STMN2: variants seen among roughly 807,000 people sequenced by gnomAD.
The protein encoded by STMN2 is stathmin-2.
Under a neutral mutation model 24.1 loss-of-function variants are expected in STMN2, and 2 were observed. That is an observed-to-expected ratio of 0.08 (90% CI 0.03 to 0.26). The LOEUF (loss-of-function observed/expected upper bound fraction) is 0.26, where lower values mean the gene tolerates loss of function less well. Ranked by LOEUF, STMN2 falls within the 10% of genes least tolerant of loss-of-function variation. STMN2 has a pLI of 1.00. For missense variants in STMN2, 114 were observed against 213.6 expected (o/e 0.53, Z 2.91); for synonymous variants, 83 against 77.5 (o/e 1.07, Z -0.37).
chr8:79,639,370 G>T (rs1810041046), intron 2 of STMN2, among the ~76,000 whole-genome samples: 1 of 152,150 alleles, frequency 6.6e-6, no homozygotes, highest in Non-Finnish European at 1.5e-5. Flanking sequence ...CACAGAGAAT[G>T]GCCTAATCAT....
intron 4 of STMN2, among the ~76,000 whole-genome samples, chr8:79,663,230 T>C (rs953021736): frequency 2.0e-5 from 3 of 152,170 alleles, no homozygotes; most frequent in Non-Finnish European, 2.9e-5. Flanking sequence ...CATGCAACTA[T>C]AAAATGTTCT....
chr8:79,625,960 T>A (rs1311016349), intron 1 of STMN2, among the ~76,000 whole-genome samples: 1 of 151,926 alleles, frequency 6.6e-6, no homozygotes, highest in East Asian at 1.9e-4. Context: ...AAACTCTGAC[T>A]CAAAAAAATA....
chr8:79,648,336 T>C (rs1302427975), intron 3 of STMN2, among the ~76,000 whole-genome samples: 35 of 152,102 alleles, frequency 2.3e-4, no homozygotes, highest in East Asian at 1.9e-4. Context: ...GCAATTACTA[T>C]GTGAAGAAGC....
chr8:79,615,523 A>G (rs1809363182), intron 1 of STMN2, among the ~76,000 whole-genome samples: 2 of 152,194 alleles, frequency 1.3e-5, no homozygotes. Context: ...AAAATACTGA[A>G]CTAGCCAGTG....
At chr8:79,641,277 G>T (rs13269060) in intron 2 of STMN2, 101 bp from the exon 3 acceptor site, 1 of 1,303,232 alleles carries the variant, frequency 7.7e-7, no homozygotes, top group Admixed American at 2.4e-5. Context: ...CCTATCTCCC[G>T]GAATAACAAC....
intron 1 of STMN2, among the ~76,000 whole-genome samples, chr8:79,632,624 C>T (rs1467816848): frequency 6.6e-6 from 1 of 152,172 alleles, no homozygotes; most frequent in East Asian, 1.9e-4. Flanking sequence ...GTATTCCTTT[C>T]AGGGATTATG....
intron 2 of STMN2, among the ~76,000 whole-genome samples, chr8:79,639,880 T>C (rs1810052874): frequency 6.6e-6 from 1 of 152,214 alleles, no homozygotes; most frequent in Admixed American, 6.5e-5. Context: ...AGTACATTGT[T>C]ATTAACAATA....
chr8:79,648,031 C>T (rs1810253237), intron 3 of STMN2, among the ~76,000 whole-genome samples: 1 of 152,230 alleles, frequency 6.6e-6, no homozygotes, highest in South Asian at 2.1e-4. Flanking sequence ...TCTCTTTACT[C>T]TCATAAGTGT....
chr8:79,641,080 T>TA (rs952898383), intron 2 of STMN2, among the ~76,000 whole-genome samples: 3 of 152,194 alleles, frequency 2.0e-5, no homozygotes, highest in African/African-American at 7.2e-5. Context: ...AAGCTTAATT[T>TA]AAAATCAATT....
chr8:79,656,868 C>T (rs1806383612), intron 4 of STMN2, among the ~76,000 whole-genome samples: 1 of 150,030 alleles, frequency 6.7e-6, no homozygotes, highest in Admixed American at 6.6e-5. Context: ...GGCATAGCCT[C>T]CTTTTTTGTT....
intron 4 of STMN2, among the ~76,000 whole-genome samples, chr8:79,658,311 T>G (rs1338917022): frequency 1.3e-5 from 2 of 150,572 alleles, no homozygotes; most frequent in South Asian, 4.2e-4. Flanking sequence ...GTCTCTAAAA[T>G]AAAAAGAAAA....
intron 1 of STMN2, chr8:79,620,973 G>T (rs1193698196): frequency 1.0e-6 from 1 of 985,112 alleles, no homozygotes; most frequent in Non-Finnish European, 1.2e-6. Context: ...GTGACCTGTA[G>T]GGTCCCCAAG....
chr8:79,631,368 G>T, intron 1 of STMN2: 2 of 896,314 alleles, frequency 2.2e-6, no homozygotes, highest in Non-Finnish European at 2.7e-6. Flanking sequence ...ATAATGCTTT[G>T]GTTGGTCAAA....
At chr8:79,633,722 A>AC (rs931493006) in intron 1 of STMN2, among the ~76,000 whole-genome samples, 4 of 152,110 alleles carry the variant, frequency 2.6e-5, no homozygotes, top group African/African-American at 9.7e-5. Flanking sequence ...CTCTCCAAAG[A>AC]CCCCACCTCC....
chr8:79,639,875 A>C (rs925585502), intron 2 of STMN2, among the ~76,000 whole-genome samples: 1 of 152,240 alleles, frequency 6.6e-6, no homozygotes, highest in Non-Finnish European at 1.5e-5. Flanking sequence ...AATACAGTAC[A>C]TTGTTATTAA....
chr8:79,611,424 G>C (rs903013523), intron 1 of STMN2, among the ~76,000 whole-genome samples: 1 of 152,172 alleles, frequency 6.6e-6, no homozygotes, highest in Non-Finnish European at 1.5e-5. Flanking sequence ...CTTTTAAAAG[G>C]TAGAAGCGGG....
At chr8:79,646,984 G>A (rs2947537) in intron 3 of STMN2, among the ~76,000 whole-genome samples, 140,320 of 152,082 alleles carry the variant, frequency 0.92, 64,947 homozygotes, top group East Asian at 1. Flanking sequence ...TAGCGAGGTG[G>A]GATTAGGGAG....
chr8:79,625,323 T>G (rs1809626562), intron 1 of STMN2, among the ~76,000 whole-genome samples: 1 of 152,138 alleles, frequency 6.6e-6, no homozygotes, highest in Non-Finnish European at 1.5e-5. Flanking sequence ...TTGGCCAACA[T>G]GTATTGGGTA....
intron 3 of STMN2, among the ~76,000 whole-genome samples, chr8:79,648,493 G>A (rs1183789624): frequency 8.8e-6 from 1 of 114,212 alleles, no homozygotes; most frequent in Non-Finnish European, 1.6e-5. Context: ...GTCTCGCTCT[G>A]CCACTCAGGC....
Sources: allele counts gnomAD v4.1 joint callset (sites outside exome capture counted in the v4.1 genomes callset), GRCh38; gene constraint gnomAD v4.1.1; transcripts MANE v1.5; gene names NCBI Gene and HGNC (gene_info 2026-07-23, HGNC 2026-07-21).